KCNN2: variants seen among roughly 807,000 people sequenced by gnomAD.
The protein encoded by KCNN2 is potassium calcium-activated channel subfamily N member 2, also known as small conductance calcium-activated potassium channel protein 2.
A neutral mutation model predicts 55.5 loss-of-function variants in KCNN2; 24 were observed. That is an observed-to-expected ratio of 0.43 (90% CI 0.31 to 0.61). The LOEUF is 0.61. Ranked by LOEUF, KCNN2 falls within the 20% of genes least tolerant of loss-of-function variation. The probability of loss-of-function intolerance (pLI) is 0.08; values close to 1 mark genes in which losing one functional copy is unlikely to be tolerated. For missense variants in KCNN2, 754 were observed against 853.6 expected (o/e 0.88, Z 1.45); for synonymous variants, 431 against 336.1 (o/e 1.28, Z -3.09).
intron 1 of KCNN2, among the ~76,000 whole-genome samples, chr5:114,133,775 A>G (rs997715437): frequency 2.0e-5 from 3 of 152,188 alleles, no homozygotes; most frequent in East Asian, 3.8e-4. Flanking sequence ...CTAATACTAC[A>G]TTCTTCAGAT....
rs1339939892 is a variant in KCNN2 at position 114,443,311 on chromosome 5, AAG to A, written c.1638-19736_1638-19735del. Reference sequence around the variant, plus strand: ...CTCAAAAAAAAAGAAACAAAGAAAAAAGAAAAAAAAAAAAGAGGCTTAAGAAC... The same window carrying A: ...CTCAAAAAAAAAGAAACAAAGAAAAAAAAAAAAAAAAAGAGGCTTAAGAAC... On this transcript the variant is annotated intron_variant, in intron 3 of 7. Transcript: ENST00000673685. Among the ~76,000 whole-genome samples the A allele has an allele frequency of 2.0e-5, 3 of 152,150 alleles. No individual in the cohort carries two copies. The East Asian group carries it at 5.8e-4, about 29-fold the overall frequency.
intron 2 of KCNN2, among the ~76,000 whole-genome samples, chr5:114,381,309 T>C (rs1758118684): frequency 6.6e-6 from 1 of 152,200 alleles, no homozygotes; most frequent in Non-Finnish European, 1.5e-5. Context: ...CAGAGATCAT[T>C]GGTTGAAATC....
Position 114,206,839 on chromosome 5 carries a change from C to T in KCNN2, c.-270-14641C>T, listed in dbSNP as rs563641139. Among the ~76,000 whole-genome samples, 29 of 152,126 alleles carry T rather than the reference C, an allele frequency of 1.9e-4. No homozygotes were observed. In the South Asian group the frequency reaches 5.2e-3, roughly 27 times the overall value. ...AAGTATTTACAAAGGTCTAGCCCCACTCTGTGTTTTCAGTTGCACCTGTGT... is the reference window on the plus strand; with the variant it reads ...AAGTATTTACAAAGGTCTAGCCCCATTCTGTGTTTTCAGTTGCACCTGTGT... On this transcript the variant is annotated intron_variant, in intron 1 of 10. Coordinates refer to the KCNN2 transcript ENST00000512097.
chr5:114,187,550 G>A (rs1753361079), intron 1 of KCNN2, among the ~76,000 whole-genome samples: 1 of 135,464 alleles, frequency 7.4e-6, no homozygotes, highest in Non-Finnish European at 1.5e-5. Context: ...CTGTCACCTA[G>A]GCTGGAGTGC....
At chr5:114,272,277 TCAC>T (rs1176950867) in intron 2 of KCNN2, among the ~76,000 whole-genome samples, 1 of 69,572 alleles carries the variant, frequency 1.4e-5, no homozygotes, top group Non-Finnish European at 3.6e-5. Flanking sequence ...TATGTACATA[TCAC>T]ACACACATAT....
intron 1 of KCNN2, among the ~76,000 whole-genome samples, chr5:114,148,847 C>T (rs981106443): frequency 3.9e-5 from 6 of 152,012 alleles, no homozygotes; most frequent in Non-Finnish European, 5.9e-5. Context: ...AGTAGGGGGT[C>T]AGCTACTCGA....
chr5:114,367,312 A>G (rs1757629347), intron 2 of KCNN2, among the ~76,000 whole-genome samples: 1 of 152,180 alleles, frequency 6.6e-6, no homozygotes, highest in South Asian at 2.1e-4. Flanking sequence ...TCATTTTACT[A>G]ATTACTTTTA....
intron 1 of KCNN2, among the ~76,000 whole-genome samples, chr5:114,199,776 C>T (rs1027266741): frequency 2.6e-5 from 4 of 152,014 alleles, no homozygotes; most frequent in African/African-American, 7.2e-5. Flanking sequence ...TTTATTCTGG[C>T]AGTATACAAA....
At chr5:114,112,954 A>G (rs548866010) in intron 1 of KCNN2, among the ~76,000 whole-genome samples, 2 of 152,166 alleles carry the variant, frequency 1.3e-5, no homozygotes, top group Middle Eastern at 6.8e-3. Flanking sequence ...GGCAGAAATT[A>G]ATTTAATCAA....
intron 1 of KCNN2, among the ~76,000 whole-genome samples, chr5:114,108,904 TAAGA>T (rs1193055746): frequency 6.6e-6 from 1 of 152,102 alleles, no homozygotes; most frequent in African/African-American, 2.4e-5. Context: ...CATTGGGTCA[TAAGA>T]TAGATGTACA....
intron 5 of KCNN2, among the ~76,000 whole-genome samples, chr5:114,485,473 C>G (rs1361893847): frequency 6.6e-6 from 1 of 152,150 alleles, no homozygotes; most frequent in African/African-American, 2.4e-5. Flanking sequence ...CATTTCCTTA[C>G]CTTTGAAAGG....
chr5:114,104,141 G>T (rs149198759), intron 1 of KCNN2, among the ~76,000 whole-genome samples: 2,767 of 152,008 alleles, frequency 0.018, 35 homozygotes, highest in Non-Finnish European at 0.025. Flanking sequence ...ACTTCTTTCT[G>T]GTTTAGTTTT....
intron 2 of KCNN2, among the ~76,000 whole-genome samples, chr5:114,373,842 A>G (rs1191219222): frequency 6.7e-6 from 1 of 150,316 alleles, no homozygotes; most frequent in African/African-American, 2.4e-5. Flanking sequence ...AACAGGAAAA[A>G]AAAAGTGGCC....
At chr5:114,347,724 T>G (rs113092365) in intron 2 of KCNN2, among the ~76,000 whole-genome samples, 23 of 152,302 alleles carry the variant, frequency 1.5e-4, no homozygotes, top group African/African-American at 4.8e-4. Context: ...AACATGACCT[T>G]TACCTTGGCT....
intron 1 of KCNN2, among the ~76,000 whole-genome samples, chr5:114,148,552 G>A (rs1193290357): frequency 1.3e-5 from 2 of 152,128 alleles, no homozygotes; most frequent in African/African-American, 4.8e-5. Context: ...ACTTGGGGGA[G>A]ACAGGATTCT....
At chr5:114,144,448 C>G (rs1049476323) in intron 1 of KCNN2, among the ~76,000 whole-genome samples, 4 of 152,088 alleles carry the variant, frequency 2.6e-5, no homozygotes, top group African/African-American at 9.7e-5. Context: ...TAGCAGCAAT[C>G]AAGCCCATCA....
chr5:114,165,338 T>C (rs1752886607), intron 1 of KCNN2, among the ~76,000 whole-genome samples: 1 of 152,210 alleles, frequency 6.6e-6, no homozygotes, highest in South Asian at 2.1e-4. Context: ...GCCTTTGTGA[T>C]GATGCATTTC....
At chr5:114,380,510 C>T (rs1194439889) in intron 2 of KCNN2, among the ~76,000 whole-genome samples, 3 of 152,140 alleles carry the variant, frequency 2.0e-5, no homozygotes, top group Non-Finnish European at 2.9e-5. Flanking sequence ...TTTCCCACAA[C>T]CTTTTAATAG....
chr5:114,462,217 G>A (rs4705505), intron 3 of KCNN2, among the ~76,000 whole-genome samples: 16,417 of 152,170 alleles, frequency 0.11, 1,681 homozygotes, highest in East Asian at 0.54. Context: ...GAGGGTTACT[G>A]TTTCGTACTG....
Sources: gnomAD v4.1 joint callset for allele counts (sites outside exome capture counted in the v4.1 genomes callset) on GRCh38, gnomAD v4.1.1 for gene constraint, MANE v1.5 for transcripts, NCBI Gene and HGNC (gene_info 2026-07-23, HGNC 2026-07-21) for gene names.